Variants in BCL9L observed in about 807,000 individuals in gnomAD.
The protein encoded by BCL9L is B-cell CLL/lymphoma 9-like protein.
In BCL9L, 19 loss-of-function variants were observed where a neutral mutation model predicts 99.4. The ratio of observed to expected loss-of-function variants is 0.19; its 90% CI spans 0.13 to 0.28. The LOEUF (loss-of-function observed/expected upper bound fraction) is 0.28. Among genes scored for constraint, BCL9L ranks in the 10% least tolerant of loss-of-function variants. The pLI is 1.00. For missense variants in BCL9L, 2,023 were observed against 2,101.6 expected (o/e 0.96, Z 0.73); for synonymous variants, 900 against 854.8 (o/e 1.05, Z -0.92).
chr11:118,911,999 CA>C (rs1940813953), intron 2 of BCL9L, among the ~76,000 whole-genome samples: 1 of 152,280 alleles, frequency 6.6e-6, no homozygotes, highest in African/African-American at 2.4e-5. Context: ...AAGACTCTTC[CA>C]GTCACCCTCC....
At position 118,921,164 on chromosome 11, in the gene BCL9L, A is replaced by T. The variant is rs370689037; in HGVS notation, c.-130-2285T>A. ...CAGAGGCTCCCGTATTCATAGAGACAGCCTAGGGGAGCTCAGGAAACACAC... is the reference window on the plus strand; with the variant it reads ...CAGAGGCTCCCGTATTCATAGAGACTGCCTAGGGGAGCTCAGGAAACACAC... On this transcript the variant is annotated intron_variant, in intron 1 of 9. Coordinates refer to ENST00000683865, the MANE Select transcript of BCL9L (RefSeq NM_001378213.1). This position sits in a 1 kb window ranked among gnomAD's most constrained non-coding sequence, Gnocchi z 5.4. Among the ~76,000 whole-genome samples, 9 of 152,168 alleles carry T rather than the reference A, an allele frequency of 5.9e-5. No individual in the cohort carries two copies. In the East Asian group the frequency reaches 1.7e-3, roughly 29 times the overall value.
At position 118,907,508 on chromosome 11, in the gene BCL9L, G is replaced by T; in HGVS notation, c.507C>A (p.Asp169Glu). The T allele has an allele frequency of 6.2e-7, 1 of 1,614,172 alleles. No homozygotes were observed. The change falls in exon 5 of 10, where the codon GAC becomes GAA. Residue 169 changes from aspartate (D) to glutamate (E), a missense_variant. Asp to Glu is a conservative substitution (Grantham distance 45). This residue lies in a region of BCL9L where 1,116 missense variants were observed against 1,194.6 expected (regional missense o/e 0.93). Coordinates refer to ENST00000683865, the MANE Select transcript of BCL9L (RefSeq NM_001378213.1). Reference sequence around the variant, plus strand: ...TGTGGGTGGCCCCAATGGGCTTGTCGTCCTCCTCACTGTCCGGTCCAGAGC... The same window carrying T: ...TGTGGGTGGCCCCAATGGGCTTGTCTTCCTCCTCACTGTCCGGTCCAGAGC... ...EWCSGPDSEE[D>E]DKPIGATHNC...
At chr11:118,911,513 T>A (rs61900138) in intron 2 of BCL9L, among the ~76,000 whole-genome samples, 1 of 152,194 alleles carries the variant, frequency 6.6e-6, no homozygotes, top group Non-Finnish European at 1.5e-5. Context: ...CCCCAGCTTC[T>A]CCATCACAAC....
At position 118,899,498 on chromosome 11, in the gene BCL9L, G is replaced by A. The variant is rs897693728; in HGVS notation, c.3417C>T (p.Asn1139=). Residue 1139 remains asparagine (N), a synonymous_variant, in exon 10 of 10, where the codon AAC becomes AAT. Coordinates refer to ENST00000683865, the MANE Select transcript of BCL9L (RefSeq NM_001378213.1). ...PPQGSGPGIS[N]SQPSQMHLNS... is the part of the protein sequence containing the mutation. ...TCAGGTGCATCTGGCTGGGCTGGCT[G>A]TTGCTGATCCCTGTAGGGAATAGAA... 6.2e-6 allele frequency: 10 copies of A among 1,608,600 alleles called. No individual in the cohort carries two copies. The highest frequency in any genetic ancestry group is 1.7e-5 in the Admixed American group (1 of 59,454).
chr11:118,910,466 G>A (rs1243908780), intron 2 of BCL9L: 1 of 156,868 alleles, frequency 6.4e-6, no homozygotes, highest in African/African-American at 2.4e-5. Context: ...TCGAGGCCTA[G>A]CCCGTGCCCA....
At chr11:118,923,909 C>G (rs1941214549) in intron 1 of BCL9L, among the ~76,000 whole-genome samples, 1 of 152,220 alleles carries the variant, frequency 6.6e-6, no homozygotes, top group African/African-American at 2.4e-5. Context: ...CCTGAGGCCT[C>G]TATCAGCAGG....
At chr11:118,907,888 T>C (rs1316181727) in intron 4 of BCL9L, among the ~76,000 whole-genome samples, 1 of 152,210 alleles carries the variant, frequency 6.6e-6, no homozygotes, top group Non-Finnish European at 1.5e-5. Context: ...GAGCTGCTGC[T>C]ACTCTTCCAG....
chr11:118,911,867 G>C (rs1179394398), intron 2 of BCL9L, among the ~76,000 whole-genome samples: 1 of 152,248 alleles, frequency 6.6e-6, no homozygotes, highest in Non-Finnish European at 1.5e-5. Context: ...GAGGGGCAGG[G>C]CAAGGGCCAC....
chr11:118,916,526 G>A (rs926086944), intron 2 of BCL9L, among the ~76,000 whole-genome samples: 1 of 152,208 alleles, frequency 6.6e-6, no homozygotes, highest in Admixed American at 6.5e-5. Context: ...AGCACACAGG[G>A]TTAAGGCAGA....
Position 118,901,614 on chromosome 11 carries a change from C to T in BCL9L, c.2129G>A (p.Arg710Gln), listed in dbSNP as rs200924871. The part of the protein sequence containing the change: ...SGMGQSMEME[R>Q]MMQAHRQMDP... ...CATCTGTCGGTGCGCCTGCATCATC[C>T]GCTCCATCTCCATGCTCTGTCCCAT... Residue 710 changes from arginine (R) to glutamine (Q), a missense_variant, in exon 8 of 10, where the codon CGG becomes CAG. Transcript: ENST00000683865. This position sits in a 1 kb window ranked among gnomAD's most constrained non-coding sequence, Gnocchi z 6.6. 3.1e-5 allele frequency: 50 copies of T among 1,614,028 alleles called. No individual in the cohort carries two copies. Among genetic ancestry groups the T allele is most frequent in the South Asian group, 9.9e-5 (9 of 91,080 alleles).
Position 118,898,313 on chromosome 11 carries a change from A to ACCCCCCCCCCCCC in BCL9L, c.*101_*102insGGGGGGGGGGGGG. The ACCCCCCCCCCCCC allele has an allele frequency of 7.3e-6, 2 of 273,720 alleles. No homozygotes were observed. Among genetic ancestry groups the ACCCCCCCCCCCCC allele is most frequent in the Non-Finnish European group, 1.1e-5 (2 of 177,582 alleles). The allele number at this position is 273,720 out of a possible 1,614,324, so 17.0% of individuals were successfully genotyped here. ...ACACAAGCCCCCTCCCACCCCCTCC[A>ACCCCCCCCCCCCC]CCCCACCCCGCGACCCAGGCCATCC... On this transcript the variant is annotated 3_prime_UTR_variant, in exon 10 of 10. Transcript: ENST00000683865.
intron 1 of BCL9L, among the ~76,000 whole-genome samples, chr11:118,919,733 C>CG (rs1941090348): frequency 6.6e-6 from 1 of 152,072 alleles, no homozygotes; most frequent in Non-Finnish European, 1.5e-5. Context: ...AGGAGACCTT[C>CG]GGCTGGGCTC....
chr11:118,911,196 C>G, intron 2 of BCL9L: 1 of 455,348 alleles, frequency 2.2e-6, no homozygotes. Context: ...GCCTCCCCTA[C>G]CCGCCCTCCA....
At chr11:118,915,276 A>G (rs1159252555) in intron 2 of BCL9L, among the ~76,000 whole-genome samples, 1 of 152,198 alleles carries the variant, frequency 6.6e-6, no homozygotes, top group Non-Finnish European at 1.5e-5. Context: ...GTGAGGTAAC[A>G]GTAGTGAAAC....
Position 118,898,304 on chromosome 11 carries a change from A to ACCCCCCCCC in BCL9L, c.*110_*111insGGGGGGGGG. On this transcript the variant is annotated 3_prime_UTR_variant, in exon 10 of 10. Transcript: ENST00000683865. ...CCACTCCCTACACAAGCCCCCTCCC[A>ACCCCCCCCC]CCCCCTCCACCCCACCCCGCGACCC... 1.0e-5 allele frequency: 2 copies of ACCCCCCCCC among 193,448 alleles called. No homozygotes were observed. Among genetic ancestry groups the ACCCCCCCCC allele is most frequent in the Non-Finnish European group, 1.8e-5 (2 of 108,398 alleles). 12.0% of individuals were successfully genotyped at this position (193,448 alleles called of 1,614,324 possible). A position where few individuals can be genotyped will look rare whatever the true frequency, so the allele number is the denominator to read the frequency against.
At chr11:118,919,709 G>C (rs1941089550) in intron 1 of BCL9L, among the ~76,000 whole-genome samples, 1 of 152,104 alleles carries the variant, frequency 6.6e-6, no homozygotes, top group Non-Finnish European at 1.5e-5. Flanking sequence ...GACCTGAGAT[G>C]GGGTCTGCTG....
intron 2 of BCL9L, among the ~76,000 whole-genome samples, chr11:118,917,712 C>CAGGT (rs1207543345): frequency 6.6e-6 from 1 of 152,184 alleles, no homozygotes; most frequent in Admixed American, 6.5e-5. Context: ...TCCCTCAACC[C>CAGGT]AGGTACCCGC....
At chr11:118,908,167 G>C in intron 4 of BCL9L, 103 bp downstream of exon 4, 2 of 1,435,878 alleles carry the variant, frequency 1.4e-6, no homozygotes, top group Non-Finnish European at 1.9e-6. Context: ...AAGAACGTGG[G>C]ATGAGGACTG....
intron 2 of BCL9L, among the ~76,000 whole-genome samples, chr11:118,917,806 C>T (rs920578116): frequency 1.3e-5 from 2 of 152,216 alleles, no homozygotes; most frequent in Non-Finnish European, 2.9e-5. Flanking sequence ...TACTTCCTCA[C>T]CCATCCTTGT....
Sources: allele counts gnomAD v4.1 joint callset (sites outside exome capture counted in the v4.1 genomes callset), GRCh38; gene constraint gnomAD v4.1.1; regional missense constraint gnomAD v4.1.1; non-coding constraint Gnocchi (gnomAD v3.1); transcripts MANE v1.5; gene names NCBI Gene and HGNC (gene_info 2026-07-23, HGNC 2026-07-21).